Variants in DGKG observed in about 807,000 individuals in gnomAD.
DGKG encodes the protein diacylglycerol kinase gamma.
DGKG carries 78 observed loss-of-function variants against 105.3 expected under a neutral mutation model. That is an observed-to-expected ratio of 0.74 (90% CI 0.62 to 0.89). The LOEUF (loss-of-function observed/expected upper bound fraction) is 0.89. Among genes scored for constraint, DGKG ranks in the 40% least tolerant of loss-of-function variants. DGKG has a pLI of 0.00. For missense variants in DGKG, 958 were observed against 1,020.1 expected, an observed-to-expected ratio of 0.94 and a Z score of 0.83; for synonymous variants, 346 against 367.1, an observed-to-expected ratio of 0.94 and a Z score of 0.66.
chr3:186,299,847 TTTTTTG>T (rs1723833539), intron 3 of DGKG, among the ~76,000 whole-genome samples: 1 of 132,944 alleles, frequency 7.5e-6, no homozygotes, highest in African/African-American at 2.7e-5. Context: ...CTTTTTTTTT[TTTTTTG>T]AGATAGAGCC....
At chr3:186,281,824 T>C (rs2284835) in intron 7 of DGKG, among the ~76,000 whole-genome samples, 26,325 of 152,116 alleles carry the variant, frequency 0.17, 2,729 homozygotes, top group East Asian at 0.3. Flanking sequence ...TCTTGGGCTA[T>C]GAAAATAGAA....
intron 1 of DGKG, among the ~76,000 whole-genome samples, chr3:186,332,821 T>C (rs1725662611): frequency 6.6e-6 from 1 of 152,176 alleles, no homozygotes; most frequent in African/African-American, 2.4e-5. Context: ...AATTGGGTCC[T>C]GAGGACACTG....
At chr3:186,340,283 A>G (rs904871121) in intron 1 of DGKG, among the ~76,000 whole-genome samples, 3 of 152,216 alleles carry the variant, frequency 2.0e-5, no homozygotes, top group Admixed American at 6.5e-5. Flanking sequence ...TTAAAAAACT[A>G]TAAACTTTAT....
chr3:186,270,526 G>A (rs562201178), intron 11 of DGKG, among the ~76,000 whole-genome samples: 16 of 152,222 alleles, frequency 1.1e-4, no homozygotes, highest in East Asian at 1.9e-4. Context: ...GATGTGTCAC[G>A]TTTGGTTGGT....
chr3:186,360,418 A>T (rs971389865), intron 1 of DGKG, among the ~76,000 whole-genome samples: 2 of 152,166 alleles, frequency 1.3e-5, no homozygotes, highest in Non-Finnish European at 2.9e-5. Flanking sequence ...AAAGACATAG[A>T]TCAGGAGTAC....
chr3:186,194,803 T>TAAAAAAAA (rs57878064), intron 21 of DGKG, among the ~76,000 whole-genome samples: 33,663 of 103,610 alleles, frequency 0.32, 6,849 homozygotes, highest in East Asian at 0.61. Flanking sequence ...GGTCTTTCTT[T>TAAAAAAAA]AAAAAAAAAA....
At chr3:186,262,208 G>T (rs763760243) in intron 14 of DGKG, among the ~76,000 whole-genome samples, 2 of 152,062 alleles carry the variant, frequency 1.3e-5, no homozygotes, top group African/African-American at 4.8e-5. Context: ...GCTCATTTCC[G>T]GCCCCAGTTT....
intron 20 of DGKG, among the ~76,000 whole-genome samples, chr3:186,217,455 G>C (rs1719351927): frequency 1.3e-5 from 2 of 152,162 alleles, no homozygotes; most frequent in South Asian, 2.1e-4. Context: ...CAGCCACATG[G>C]AGAAATGGCA....
chr3:186,210,637 G>T lies in DGKG; in HGVS notation c.1917+1158C>A, dbSNP rs1185865579. 6 of 454,046 alleles carry T rather than the reference G, an allele frequency of 1.3e-5. No homozygotes were observed. The highest frequency in any genetic ancestry group is 2.2e-5 in the Non-Finnish European group (5 of 226,660). The allele number at this position is 454,046 out of a possible 1,614,324, so 28.1% of individuals were successfully genotyped here. A position where few individuals can be genotyped will look rare whatever the true frequency, so the allele number is the denominator to read the frequency against. On this transcript the variant is annotated intron_variant, in intron 21 of 24. Coordinates refer to ENST00000265022, the MANE Select transcript of DGKG (RefSeq NM_001346.3). The surrounding 1 kb of genome is among the most constrained non-coding windows in gnomAD (Gnocchi z 5.2). Reference sequence around the variant, plus strand: ...AACTCCCTGTGAGTGAGGAGCACAGGGGCCCTTCCGGCAGGGAGGGGCAGG... The same window carrying T: ...AACTCCCTGTGAGTGAGGAGCACAGTGGCCCTTCCGGCAGGGAGGGGCAGG...
chr3:186,347,325 G>A (rs1726390181), intron 1 of DGKG, among the ~76,000 whole-genome samples: 3 of 151,562 alleles, frequency 2.0e-5, no homozygotes. Context: ...GCACGCGCCT[G>A]CAGTCCTAGC....
At chr3:186,354,688 C>A (rs1258866381) in intron 1 of DGKG, among the ~76,000 whole-genome samples, 1 of 152,200 alleles carries the variant, frequency 6.6e-6, no homozygotes, top group African/African-American at 2.4e-5. Context: ...GAATCTTTAA[C>A]TTTCACTGAA....
At chr3:186,341,138 A>T (rs1726066333) in intron 1 of DGKG, among the ~76,000 whole-genome samples, 1 of 152,194 alleles carries the variant, frequency 6.6e-6, no homozygotes, top group Non-Finnish European at 1.5e-5. Context: ...ACTGTGAAGG[A>T]CTTGGGAATA....
chr3:186,287,332 T>C (rs551978569), intron 6 of DGKG, among the ~76,000 whole-genome samples: 1 of 152,196 alleles, frequency 6.6e-6, no homozygotes, highest in Non-Finnish European at 1.5e-5. Context: ...TTACAGATTA[T>C]ATGATGCCTG....
intron 24 of DGKG, chr3:186,158,142 C>G (rs1476653561): frequency 1.5e-6 from 1 of 672,790 alleles, no homozygotes; most frequent in African/African-American, 2.0e-5. Flanking sequence ...ATTTTAAGAA[C>G]TAGTTCTAGA....
chr3:186,271,583 T>C (rs189233444), intron 11 of DGKG, among the ~76,000 whole-genome samples: 1 of 152,124 alleles, frequency 6.6e-6, no homozygotes, highest in Non-Finnish European at 1.5e-5. Context: ...ATTCACAAAT[T>C]CGATCACATC....
At chr3:186,271,828 C>T (rs994801201) in intron 11 of DGKG, among the ~76,000 whole-genome samples, 1 of 152,166 alleles carries the variant, frequency 6.6e-6, no homozygotes, top group Admixed American at 6.5e-5. Context: ...GAGTCTGGTC[C>T]TCCTCGATGC....
intron 1 of DGKG, among the ~76,000 whole-genome samples, chr3:186,334,375 T>C (rs1206242043): frequency 6.6e-6 from 1 of 152,208 alleles, no homozygotes; most frequent in Non-Finnish European, 1.5e-5. Flanking sequence ...GTGGATTTAC[T>C]GGTTCATTCC....
At chr3:186,326,447 ATCTC>A (rs60832383) in intron 1 of DGKG, among the ~76,000 whole-genome samples, 3,120 of 138,906 alleles carry the variant, frequency 0.022, 95 homozygotes, top group African/African-American at 0.073. Flanking sequence ...CACACCCCTC[ATCTC>A]TCTCTCTCTC....
chr3:186,295,638 T>TTAA (rs753099743), intron 5 of DGKG, among the ~76,000 whole-genome samples: 5 of 84,528 alleles, frequency 5.9e-5, no homozygotes, highest in African/African-American at 1.0e-4. Flanking sequence ...TAATGCACAG[T>TTAA]AAAAAAAAAA....
Sources: allele counts gnomAD v4.1 joint callset (sites outside exome capture counted in the v4.1 genomes callset), GRCh38; gene constraint gnomAD v4.1.1; non-coding constraint Gnocchi (gnomAD v3.1); transcripts MANE v1.5; gene names NCBI Gene and HGNC (gene_info 2026-07-23, HGNC 2026-07-21).